The following COP1 variants were observed in gnomAD, a reference collection of about 807,000 sequenced individuals.
COP1 encodes COP1 E3 ubiquitin ligase.
COP1 carries 24 observed loss-of-function variants against 101.3 expected under a neutral mutation model. That is an observed-to-expected ratio of 0.24 (90% CI 0.17 to 0.33). The LOEUF is 0.33. Ranked by LOEUF, COP1 falls within the 10% of genes least tolerant of loss-of-function variation. The pLI, the probability that COP1 is intolerant of heterozygous loss-of-function variation, is 1.00. For missense variants in COP1, 663 were observed against 906.2 expected (o/e 0.73, Z 3.45); for synonymous variants, 347 against 341.9 (o/e 1.01, Z -0.17).
chr1:175,981,399 G>A (rs1178120349), intron 18 of COP1, among the ~76,000 whole-genome samples: 1 of 151,944 alleles, frequency 6.6e-6, no homozygotes, highest in East Asian at 1.9e-4. Flanking sequence ...AAGCCAGGGA[G>A]GAAGAAAAAA....
chr1:175,962,062 T>C (rs752599552), intron 18 of COP1, among the ~76,000 whole-genome samples: 5 of 152,120 alleles, frequency 3.3e-5, no homozygotes, highest in African/African-American at 1.2e-4. Context: ...CTGTGAATTT[T>C]ATTTATGGAT....
chr1:175,994,755 G>A (rs1202487962), intron 15 of COP1, among the ~76,000 whole-genome samples: 3 of 152,170 alleles, frequency 2.0e-5, no homozygotes, highest in Non-Finnish European at 4.4e-5. Flanking sequence ...CAAGTCCTGA[G>A]TGACCTACAA....
intron 11 of COP1, among the ~76,000 whole-genome samples, chr1:176,055,573 C>A (rs1673333144): frequency 6.6e-6 from 1 of 152,198 alleles, no homozygotes; most frequent in Admixed American, 6.5e-5. Context: ...ACACTGATGA[C>A]TATCAAGTGT....
intron 6 of COP1, among the ~76,000 whole-genome samples, chr1:176,139,324 C>T (rs1054001664): frequency 2.7e-5 from 4 of 150,882 alleles, no homozygotes; most frequent in Admixed American, 2.0e-4. Flanking sequence ...GCTGGTGAGG[C>T]TGCAGAGAAA....
At chr1:176,057,091 G>A (rs1017894552) in intron 11 of COP1, among the ~76,000 whole-genome samples, 10 of 152,228 alleles carry the variant, frequency 6.6e-5, no homozygotes, top group African/African-American at 2.4e-4. Flanking sequence ...TACATAGAAA[G>A]ACAAACTACC....
intron 15 of COP1, among the ~76,000 whole-genome samples, chr1:176,014,015 T>C (rs1385590833): frequency 6.6e-6 from 1 of 152,216 alleles, no homozygotes; most frequent in African/African-American, 2.4e-5. Flanking sequence ...ATTAATTATA[T>C]GAAGCTATTT....
intron 8 of COP1, among the ~76,000 whole-genome samples, chr1:176,134,679 T>A (rs1451353714): frequency 6.6e-6 from 1 of 152,058 alleles, no homozygotes; most frequent in Non-Finnish European, 1.5e-5. Context: ...TCCCTAATAT[T>A]ACCACTTCAT....
At chr1:176,048,072 T>TA (rs929164288) in intron 11 of COP1, among the ~76,000 whole-genome samples, 1 of 151,832 alleles carries the variant, frequency 6.6e-6, no homozygotes, top group Non-Finnish European at 1.5e-5. Context: ...GACCCTGTCT[T>TA]AAAAAACAAC....
At chr1:176,090,892 T>G (rs891149706) in intron 9 of COP1, among the ~76,000 whole-genome samples, 5 of 152,062 alleles carry the variant, frequency 3.3e-5, no homozygotes, top group African/African-American at 1.2e-4. Flanking sequence ...ACACAGAAAG[T>G]GAAATTATTC....
At chr1:176,090,373 G>C (rs774148044) in intron 9 of COP1, among the ~76,000 whole-genome samples, 4 of 152,116 alleles carry the variant, frequency 2.6e-5, no homozygotes, top group Non-Finnish European at 4.4e-5. Context: ...ACTCATTTTG[G>C]TTTTTTCGGC....
chr1:176,160,255 C>CTTTT (rs67600151), intron 5 of COP1: 129 of 238,872 alleles, frequency 5.4e-4, no homozygotes, highest in Middle Eastern at 1.3e-3. Context: ...CCACACACAT[C>CTTTT]TTTTTTTTTT....
rs137857237 is a variant in COP1 at position 176,128,904 on chromosome 1, C to T, written c.968+6106G>A. On this transcript the variant is annotated intron_variant, in intron 8 of 19. Transcript: ENST00000367669. ...GCATTGGTCATAGGTAATAATCCAG[C>T]CAAAGACTCACTATGCAAAAATAGG... Among the ~76,000 whole-genome samples the T allele has an allele frequency of 4.9e-3, 741 of 151,950 alleles. 10 individuals are homozygous for T. The highest frequency in any genetic ancestry group is 0.016 in the African/African-American group (658 of 41,514).
At chr1:175,995,102 C>T (rs1164639364) in intron 15 of COP1, among the ~76,000 whole-genome samples, 6 of 152,128 alleles carry the variant, frequency 3.9e-5, no homozygotes, top group African/African-American at 9.7e-5. Flanking sequence ...CACTAAAAAC[C>T]GCTCAACTAC....
chr1:176,099,112 T>G (rs1169394500), intron 9 of COP1, among the ~76,000 whole-genome samples: 1 of 150,056 alleles, frequency 6.7e-6, no homozygotes, highest in African/African-American at 2.4e-5. Flanking sequence ...CAATTGTGCT[T>G]CTAACTGTAA....
At chr1:175,955,935 A>C (rs1436913974) in intron 18 of COP1, among the ~76,000 whole-genome samples, 1 of 152,204 alleles carries the variant, frequency 6.6e-6, no homozygotes, top group African/African-American at 2.4e-5. Context: ...CATTATCTAT[A>C]GGCTCAATGC....
At chr1:175,980,993 A>G (rs902768751) in intron 18 of COP1, among the ~76,000 whole-genome samples, 3 of 152,136 alleles carry the variant, frequency 2.0e-5, no homozygotes, top group African/African-American at 7.2e-5. Flanking sequence ...TTTCATTCCA[A>G]TAGTTTCAGA....
At chr1:176,057,514 T>C (rs1673792163) in intron 11 of COP1, among the ~76,000 whole-genome samples, 1 of 152,208 alleles carries the variant, frequency 6.6e-6, no homozygotes, top group Admixed American at 6.5e-5. Context: ...TTCGTATTTT[T>C]TTGGTGGAGA....
intron 5 of COP1, among the ~76,000 whole-genome samples, chr1:176,153,869 T>C (rs1249610300): frequency 6.6e-6 from 1 of 152,224 alleles, no homozygotes; most frequent in Non-Finnish European, 1.5e-5. Context: ...TCTTTTGTAG[T>C]TCCATTCGTG....
rs1177458259 is a variant in COP1, at chr1:176,162,949, T to C, written c.682A>G (p.Thr228Ala). ...RWQIFQDWLG[T>A]DQDNLDLANV... ...GCCAAATCAAGGTTATCTTGGTCAG[T>C]TCCCAACCAATCTTGAAATATCTGC... The change falls in exon 5 of 20, where the codon ACT (threonine) becomes GCT (alanine). Residue 228 changes from threonine to alanine, a missense_variant. Transcript: ENST00000367669. 1.2e-6 allele frequency: 2 copies of C among 1,608,816 alleles called. No homozygotes were observed. The highest frequency in any genetic ancestry group is 2.2e-5 in the East Asian group (1 of 44,708).
Sources: gnomAD v4.1 joint callset for allele counts (sites outside exome capture counted in the v4.1 genomes callset) on GRCh38, gnomAD v4.1.1 for gene constraint, MANE v1.5 for transcripts, NCBI Gene and HGNC (gene_info 2026-07-23, HGNC 2026-07-21) for gene names.